NR1H4: variants seen among roughly 807,000 people sequenced by gnomAD.
The protein encoded by NR1H4 is nuclear receptor subfamily 1 group H member 4.
Under a neutral mutation model 58.5 loss-of-function variants are expected in NR1H4, and 23 were observed. That is an observed-to-expected ratio of 0.39 (90% CI 0.28 to 0.56). The LOEUF is 0.56. NR1H4 is among the 20% of genes least tolerant of loss of function. The pLI is 0.58. For missense variants in NR1H4, 487 were observed against 576.9 expected, an observed-to-expected ratio of 0.84 and a Z score of 1.60; for synonymous variants, 214 against 198.0, an observed-to-expected ratio of 1.08 and a Z score of -0.68.
chr12:100,516,851 T>C (rs1297030963), intron 4 of NR1H4, among the ~76,000 whole-genome samples: 1 of 152,256 alleles, frequency 6.6e-6, no homozygotes, highest in African/African-American at 2.4e-5. Flanking sequence ...TATACTTTAG[T>C]AATACACTTA....
intron 9 of NR1H4, among the ~76,000 whole-genome samples, chr12:100,557,902 T>A (rs536567528): frequency 2.0e-5 from 3 of 152,152 alleles, no homozygotes; most frequent in Non-Finnish European, 4.4e-5. Flanking sequence ...CCAGGAAACA[T>A]CCTCATCTCA....
chr12:100,534,237 A>G (rs1301077522), intron 5 of NR1H4, among the ~76,000 whole-genome samples: 3 of 152,208 alleles, frequency 2.0e-5, no homozygotes, highest in Non-Finnish European at 4.4e-5. Flanking sequence ...TGATTGTATG[A>G]TCATTCAAAG....
At chr12:100,506,042 C>CAGAG (rs1209603063) in intron 3 of NR1H4, among the ~76,000 whole-genome samples, 4 of 117,446 alleles carry the variant, frequency 3.4e-5, no homozygotes, top group African/African-American at 1.4e-4. Flanking sequence ...CACACACACA[C>CAGAG]AGAGAGAGAG....
chr12:100,535,113 C>T, intron 6 of NR1H4, 90 bp downstream of exon 6: 1 of 1,419,644 alleles, frequency 7.0e-7, no homozygotes, highest in Non-Finnish European at 1.0e-6. Context: ...CAAATTAAAG[C>T]CACAGGCACA....
At chr12:100,502,490 T>A (rs572990086) in intron 3 of NR1H4, among the ~76,000 whole-genome samples, 1 of 152,308 alleles carries the variant, frequency 6.6e-6, no homozygotes, top group South Asian at 2.1e-4. Flanking sequence ...TCTGTGTTTC[T>A]GTCTCTGTAA....
At chr12:100,506,884 A>G (rs1369520119) in intron 3 of NR1H4, among the ~76,000 whole-genome samples, 1 of 152,176 alleles carries the variant, frequency 6.6e-6, no homozygotes, top group Non-Finnish European at 1.5e-5. Flanking sequence ...TTAGCATGAT[A>G]TTATCTATAT....
intron 4 of NR1H4, among the ~76,000 whole-genome samples, chr12:100,526,030 C>T (rs1193636192): frequency 6.6e-6 from 1 of 151,900 alleles, no homozygotes; most frequent in Non-Finnish European, 1.5e-5. Context: ...CTTGGTTAGC[C>T]TTGCTGGGCT....
intron 9 of NR1H4, among the ~76,000 whole-genome samples, chr12:100,548,800 G>A (rs1198937076): frequency 3.3e-5 from 5 of 152,114 alleles, no homozygotes; most frequent in African/African-American, 1.2e-4. Flanking sequence ...TAGATTTCAT[G>A]CATAATTTAA....
At chr12:100,531,192 A>T (rs1954683235) in intron 4 of NR1H4, among the ~76,000 whole-genome samples, 1 of 152,234 alleles carries the variant, frequency 6.6e-6, no homozygotes, top group South Asian at 2.1e-4. Context: ...GTGGTGGCTC[A>T]TGCCTGTAAT....
rs563043551 is a variant in NR1H4 at position 100,511,768 on chromosome 12, A to G, written c.445+625A>G. On this transcript the variant is annotated intron_variant, in intron 4 of 10. Coordinates refer to ENST00000392986, the MANE Select transcript of NR1H4 (RefSeq NM_001206979.2). ...GAAATCTCGTCTCTACTAAAAATAC[A>G]AAAATTAGCTGGGTGTGGTGGCAGG... Among the ~76,000 whole-genome samples, 3 of 152,160 alleles carry G rather than the reference A, an allele frequency of 2.0e-5. No individual in the cohort carries two copies. The South Asian group carries it at 6.2e-4, about 32-fold the overall frequency.
intron 3 of NR1H4, 141 bp from the exon 4 acceptor site, chr12:100,510,637 T>C: frequency 6.7e-6 from 3 of 447,544 alleles, no homozygotes; most frequent in Non-Finnish European, 1.2e-5. Flanking sequence ...ATATATATAC[T>C]CTAAAGAAGT....
chr12:100,553,219 T>C (rs952929079), intron 9 of NR1H4, among the ~76,000 whole-genome samples: 4 of 152,116 alleles, frequency 2.6e-5, no homozygotes, highest in Non-Finnish European at 4.4e-5. Flanking sequence ...AGGATGGTCT[T>C]GATCTCTTGA....
intron 9 of NR1H4, among the ~76,000 whole-genome samples, chr12:100,551,748 G>A (rs866030139): frequency 2.0e-5 from 3 of 152,174 alleles, no homozygotes; most frequent in Non-Finnish European, 2.9e-5. Context: ...ATGTCAAGTC[G>A]CCCCTTGGTA....
At chr12:100,526,769 G>A (rs1954567539) in intron 4 of NR1H4, among the ~76,000 whole-genome samples, 1 of 152,048 alleles carries the variant, frequency 6.6e-6, no homozygotes, top group African/African-American at 2.4e-5. Context: ...TATTAGTGCT[G>A]GTTCAATACT....
chr12:100,529,087 C>CT (rs1954630824), intron 4 of NR1H4, among the ~76,000 whole-genome samples: 1 of 152,096 alleles, frequency 6.6e-6, no homozygotes, highest in South Asian at 2.1e-4. Flanking sequence ...AGCACAAAGT[C>CT]TTTTTTTAGA....
intron 3 of NR1H4, among the ~76,000 whole-genome samples, chr12:100,501,876 G>A (rs979757000): frequency 4.6e-5 from 7 of 152,140 alleles, no homozygotes; most frequent in African/African-American, 1.7e-4. Flanking sequence ...AGTGCATCTC[G>A]CTACATTATG....
intron 4 of NR1H4, among the ~76,000 whole-genome samples, chr12:100,531,272 A>G (rs143739747): frequency 7.4e-4 from 113 of 152,316 alleles, no homozygotes; most frequent in Admixed American, 1.2e-3. Flanking sequence ...CCTGGCCAAC[A>G]TGGTGAAACC....
At chr12:100,561,863 T>C (rs1473150747) in intron 9 of NR1H4, 22 bp from the exon 10 acceptor site, 1 of 964,328 alleles carries the variant, frequency 1.0e-6, no homozygotes, top group African/African-American at 1.6e-5. Context: ...AATTGTATTA[T>C]GATTGCAACT....
At chr12:100,554,320 A>G (rs1322100412) in intron 9 of NR1H4, among the ~76,000 whole-genome samples, 1 of 152,112 alleles carries the variant, frequency 6.6e-6, no homozygotes, top group Non-Finnish European at 1.5e-5. Context: ...TGAGGACGTC[A>G]TCAGAATAAG....
Sources: gnomAD v4.1 joint callset for allele counts (sites outside exome capture counted in the v4.1 genomes callset) on GRCh38, gnomAD v4.1.1 for gene constraint, MANE v1.5 for transcripts, NCBI Gene and HGNC (gene_info 2026-07-23, HGNC 2026-07-21) for gene names.